Variants in CCDC88B observed in about 807,000 individuals in gnomAD.
The protein encoded by CCDC88B is coiled-coil domain-containing protein 88B.
Under a neutral mutation model 183.7 loss-of-function variants are expected in CCDC88B, and 138 were observed. The ratio of observed to expected loss-of-function variants is 0.75; its 90% CI spans 0.65 to 0.87. The LOEUF is 0.87. Ranked by LOEUF, CCDC88B falls within the 40% of genes least tolerant of loss-of-function variation. The probability of loss-of-function intolerance (pLI) is 0.00; values close to 1 mark genes in which losing one functional copy is unlikely to be tolerated. For synonymous variants in CCDC88B, 835 were observed against 867.5 expected (o/e 0.96, Z 0.66); for missense variants, 1,822 against 1,965.6 (o/e 0.93, Z 1.38).
chr11:64,357,042 C>G lies in CCDC88B; in HGVS notation c.4379C>G (p.Pro1460Arg). The G allele has an allele frequency of 3.1e-6, 5 of 1,589,866 alleles. No individual in the cohort carries two copies. Among genetic ancestry groups the G allele is most frequent in the Non-Finnish European group, 4.3e-6 (5 of 1,165,896 alleles). ...EHETDANREG[P>R]EVQEPEKRPL... ...TCAGCTGAGCCTTTCCCTCTAGGCC[C>G]TGAGGTACAGGAACCGGAGAAACGT... The change falls in exon 27 of 27, where the codon CCT (proline) becomes CGT (arginine). Residue 1460 changes from proline (P) to arginine (R), a missense_variant. By Grantham distance (103) the Pro-to-Arg change is moderately radical. Transcript: ENST00000356786.
At chr11:64,348,192 T>G (rs1591288797) in intron 14 of CCDC88B, among the ~76,000 whole-genome samples, 1 of 137,950 alleles carries the variant, frequency 7.2e-6, no homozygotes, top group East Asian at 2.1e-4. Flanking sequence ...GCAGTGAAGG[T>G]GAGGGTAGGG....
intron 14 of CCDC88B, chr11:64,349,062 C>G (rs1364258882): frequency 2.8e-6 from 2 of 716,952 alleles, no homozygotes; most frequent in Non-Finnish European, 5.2e-6. Context: ...GGTGACGGCA[C>G]TTGCCCAACA....
Position 64,351,500 on chromosome 11 carries a change from G to T in CCDC88B, c.2983G>T (p.Ala995Ser). Residue 995 changes from alanine to serine, a missense_variant, in exon 18 of 27, where the codon GCA becomes TCA. Physicochemically the swap from Ala to Ser is moderately conservative, Grantham distance 99 (BLOSUM62 1). Coordinates refer to ENST00000356786, the MANE Select transcript of CCDC88B (RefSeq NM_032251.6). Reference protein sequence around the residue: ...RSNAMLVAEKAALQGQLQHLE... With the variant: ...RSNAMLVAEKSALQGQLQHLE... Reference sequence around the variant, plus strand: ...GAATGCGATGCTGGTGGCAGAGAAGGCAGCTTTGCAGGGGCAGCTGCAGCA... The same window carrying T: ...GAATGCGATGCTGGTGGCAGAGAAGTCAGCTTTGCAGGGGCAGCTGCAGCA... 6.3e-7 allele frequency: 1 copy of T among 1,587,546 alleles called. No homozygotes were observed.
At chr11:64,346,944 G>A (rs1465105218) in intron 14 of CCDC88B, among the ~76,000 whole-genome samples, 2 of 151,652 alleles carry the variant, frequency 1.3e-5, no homozygotes, top group Non-Finnish European at 2.9e-5. Flanking sequence ...ACAGGTGCAT[G>A]CCACCATGCC....
chr11:64,353,865 C>G, intron 23 of CCDC88B, 52 bp downstream of exon 23: 1 of 1,605,482 alleles, frequency 6.2e-7, no homozygotes, highest in Non-Finnish European at 8.5e-7. Flanking sequence ...AACCTCTGCC[C>G]CTGCCCTGGC....
At chr11:64,354,261 C>CCAGGCA in intron 24 of CCDC88B, 91 bp downstream of exon 24, 1 of 1,149,930 alleles carries the variant, frequency 8.7e-7, no homozygotes, top group Non-Finnish European at 1.1e-6. Context: ...GGCCTGCATG[C>CCAGGCA]GTGACCCCAT....
rs767261247 is a variant in CCDC88B, at chr11:64,353,213, C to A, written c.3660C>A (p.Ser1220Arg). The change falls in exon 21 of 27, where the codon AGC (serine) becomes AGA (arginine). Residue 1220 changes from serine to arginine, a missense_variant. Physicochemically the swap from Ser to Arg is moderately radical, Grantham distance 110 (BLOSUM62 -1). Coordinates refer to ENST00000356786, the MANE Select transcript of CCDC88B (RefSeq NM_032251.6). ...LRESNQQLDL[S>R]ACRLTTQCEL... ...AGTCCAACCAGCAGCTGGACCTGAG[C>A]GCCTGCCGGCTGACCACGCAGTGTG... is the stretch of plus-strand genomic sequence containing the variant. The A allele has an allele frequency of 4.5e-6, 7 of 1,567,310 alleles. No homozygotes were observed. The highest frequency in any genetic ancestry group is 2.3e-5 in the South Asian group (2 of 85,750).
At chr11:64,350,776 A>C in intron 16 of CCDC88B, 1 of 161,958 alleles carries the variant, frequency 6.2e-6, no homozygotes. Context: ...AGGCTAAGGC[A>C]GGAGAATTGC....
At chr11:64,347,306 C>A (rs2036152155) in intron 14 of CCDC88B, among the ~76,000 whole-genome samples, 1 of 152,144 alleles carries the variant, frequency 6.6e-6, no homozygotes, top group Non-Finnish European at 1.5e-5. Context: ...GCAAAGTGAG[C>A]AAAGTGGTCA....
In CCDC88B at chr11:64,341,277, G is replaced by T; in HGVS notation, c.396G>T (p.Ala132=). ...GTGGCATGTGCCTTGCAGAAGAAGC[G>T]GTGGAGCAGCTGGAAGGCGTTCTTC... is the stretch of plus-strand genomic sequence containing the variant. ...TLGFDPLSEE[A]VEQLEGVLRL... The change falls in exon 5 of 27, where the codon GCG becomes GCT. Residue 132 remains alanine (A), a synonymous_variant. Coordinates refer to ENST00000356786, the MANE Select transcript of CCDC88B (RefSeq NM_032251.6). 2.5e-6 allele frequency: 4 copies of T among 1,614,078 alleles called. No homozygotes were observed. Among genetic ancestry groups the T allele is most frequent in the Non-Finnish European group, 3.4e-6 (4 of 1,180,020 alleles).
In CCDC88B at chr11:64,341,720, G is replaced by A. The variant is rs367832758; in HGVS notation, c.653G>A (p.Arg218Gln). 2 of 1,582,806 alleles carry A rather than the reference G, an allele frequency of 1.3e-6. No individual in the cohort carries two copies. The highest frequency in any genetic ancestry group is 1.4e-5 in the African/African-American group (1 of 73,682). The change falls in exon 7 of 27, where the codon CGG becomes CAG. Residue 218 changes from arginine to glutamine, a missense_variant. Coordinates refer to ENST00000356786, the MANE Select transcript of CCDC88B (RefSeq NM_032251.6). ...ATGGGGACACTGTCGAAGCTGGCACGGGAGCGTGACCTGGGGGCCCAGGTA... is the reference window on the plus strand; with the variant it reads ...ATGGGGACACTGTCGAAGCTGGCACAGGAGCGTGACCTGGGGGCCCAGGTA... The part of the protein sequence containing the change: ...SLMGTLSKLA[R>Q]ERDLGAQRLA...
intron 22 of CCDC88B, 74 bp downstream of exon 22, chr11:64,353,570 G>C (rs2036427993): frequency 1.3e-6 from 2 of 1,581,812 alleles, no homozygotes; most frequent in South Asian, 1.1e-5. Flanking sequence ...CCTTAGTGAG[G>C]GCCTAGGGAC....
At chr11:64,347,236 A>G (rs2036146980) in intron 14 of CCDC88B, among the ~76,000 whole-genome samples, 1 of 152,240 alleles carries the variant, frequency 6.6e-6, no homozygotes, top group South Asian at 2.1e-4. Context: ...TTCCAAGCTA[A>G]GGAAGGGGTT....
intron 11 of CCDC88B, 60 bp downstream of exon 11, chr11:64,343,385 C>A: frequency 1.3e-6 from 2 of 1,538,676 alleles, no homozygotes; most frequent in Non-Finnish European, 8.8e-7. Flanking sequence ...CCCATTGATT[C>A]CCTAGTGGTC....
chr11:64,356,862 C>T (rs2135316838), intron 26 of CCDC88B, 177 bp from the exon 27 acceptor site: 1 of 617,312 alleles, frequency 1.6e-6, no homozygotes, highest in East Asian at 2.7e-5. Context: ...GTGGACATAC[C>T]TGAGAACAGC....
Position 64,357,073 on chromosome 11 carries a change from C to G in CCDC88B, c.4410C>G (p.Leu1470=). The G allele has an allele frequency of 6.2e-7, 1 of 1,609,984 alleles. No homozygotes were observed. The highest frequency in any genetic ancestry group is 1.1e-5 in the South Asian group (1 of 90,780). Residue 1470 remains leucine, a synonymous_variant, in exon 27 of 27, where the codon CTC becomes CTG. Transcript: ENST00000356786. ...TACAGGAACCGGAGAAACGTCCCCT[C>G]ACCCCATCCCTCAGCCAGTGACACC... ...PEVQEPEKRP[L]TPSLSQ is the part of the protein sequence containing the mutation.
In CCDC88B at chr11:64,344,500, G is replaced by A. The variant is rs568305650; in HGVS notation, c.1959G>A (p.Ser653=). Reference sequence around the variant, plus strand: ...GCCCTGAGCACAAGCCAGGGCCTTCGGAGCCCAGCTCTGTGCAGCTGGAGG... The same window carrying A: ...GCCCTGAGCACAAGCCAGGGCCTTCAGAGCCCAGCTCTGTGCAGCTGGAGG... The part of the protein sequence containing the change: ...QEGPEHKPGP[S]EPSSVQLEEQ... The change falls in exon 14 of 27, where the codon TCG becomes TCA. Residue 653 remains serine, a synonymous_variant. Transcript: ENST00000356786. The surrounding 1 kb of genome is among the most constrained non-coding windows in gnomAD (Gnocchi z 4.5). The A allele has an allele frequency of 7.5e-6, 12 of 1,606,658 alleles. No individual in the cohort carries two copies. The East Asian group carries it at 1.3e-4, about 18-fold the overall frequency.
Position 64,342,062 on chromosome 11 carries a change from C to T in CCDC88B, c.744C>T (p.Pro248=), listed in dbSNP as rs780252649. The T allele has an allele frequency of 6.2e-7, 1 of 1,611,968 alleles. No individual in the cohort carries two copies. The highest frequency in any genetic ancestry group is 1.1e-5 in the South Asian group (1 of 90,966). Residue 248 remains proline, a synonymous_variant, in exon 8 of 27, where the codon CCC becomes CCT. Coordinates refer to ENST00000356786, the MANE Select transcript of CCDC88B (RefSeq NM_032251.6). ...CLRPEAPSRA[P]AEGPSHHLAL... Reference sequence around the variant, plus strand: ...GGCCTGAGGCTCCCTCTAGGGCTCCCGCCGAGGGCCCCTCGCACCATCTGG... The same window carrying T: ...GGCCTGAGGCTCCCTCTAGGGCTCCTGCCGAGGGCCCCTCGCACCATCTGG...
chr11:64,351,495 A>G lies in CCDC88B; in HGVS notation c.2978A>G (p.Glu993Gly), dbSNP rs1210301799. 2 of 1,588,528 alleles carry G rather than the reference A, an allele frequency of 1.3e-6. No individual in the cohort carries two copies. ...GGGCAGAATGCGATGCTGGTGGCAG[A>G]GAAGGCAGCTTTGCAGGGGCAGCTG... ...VERSNAMLVA[E>G]KAALQGQLQH... The change falls in exon 18 of 27, where the codon GAG becomes GGG. Residue 993 changes from glutamate to glycine, a missense_variant. Transcript: ENST00000356786.
Sources: allele counts gnomAD v4.1 joint callset (sites outside exome capture counted in the v4.1 genomes callset), GRCh38; gene constraint gnomAD v4.1.1; non-coding constraint Gnocchi (gnomAD v3.1); transcripts MANE v1.5; gene names NCBI Gene and HGNC (gene_info 2026-07-23, HGNC 2026-07-21).